The following RNF157 variants were observed in gnomAD, a reference collection of about 807,000 sequenced individuals.
RNF157 encodes ring finger protein 157, also known as E3 ubiquitin ligase RNF157.
Under a neutral mutation model 88.3 loss-of-function variants are expected in RNF157, and 55 were observed. The observed-to-expected ratio is 0.62, with a 90% CI of 0.50 to 0.78. The LOEUF is 0.78. Ranked by LOEUF, RNF157 falls within the 30% of genes least tolerant of loss-of-function variation. The pLI, the probability that RNF157 is intolerant of heterozygous loss-of-function variation, is 0.00. For missense variants in RNF157, 788 were observed against 860.8 expected, an observed-to-expected ratio of 0.92 and a Z score of 1.06; for synonymous variants, 334 against 341.2, an observed-to-expected ratio of 0.98 and a Z score of 0.23.
At chr17:76,225,605 T>C (rs1245921693) in intron 1 of RNF157, 11 of 611,152 alleles carry the variant, frequency 1.8e-5, no homozygotes, top group Non-Finnish European at 2.5e-5. Flanking sequence ...ACTGTAGGCA[T>C]CTATGTCTGT....
intron 2 of RNF157, among the ~76,000 whole-genome samples, chr17:76,208,714 G>A (rs1301740166): frequency 6.6e-6 from 1 of 152,150 alleles, no homozygotes; most frequent in Non-Finnish European, 1.5e-5. Context: ...GCTCACACCT[G>A]TAATCCCAGC....
intron 2 of RNF157, among the ~76,000 whole-genome samples, chr17:76,208,912 T>C (rs1369536703): frequency 6.6e-6 from 1 of 151,486 alleles, no homozygotes; most frequent in East Asian, 1.9e-4. Flanking sequence ...AGACTGTGGC[T>C]GCAGTAAGCC....
intron 1 of RNF157, among the ~76,000 whole-genome samples, chr17:76,234,161 CT>C (rs1281738420): frequency 6.6e-6 from 1 of 152,212 alleles, no homozygotes; most frequent in Non-Finnish European, 1.5e-5. Context: ...GCTTATTTCA[CT>C]GAGTATAACA....
chr17:76,202,376 C>T (rs147510530), intron 2 of RNF157, among the ~76,000 whole-genome samples: 81 of 152,316 alleles, frequency 5.3e-4, no homozygotes, highest in African/African-American at 1.9e-3. Context: ...TGCCTCAACT[C>T]ACACTGCTGC....
Position 76,143,734 on chromosome 17 carries a change from T to C in RNF157, c.*1501A>G, listed in dbSNP as rs1304328796. On this transcript the variant is annotated 3_prime_UTR_variant, in exon 19 of 19. Coordinates refer to ENST00000269391, the MANE Select transcript of RNF157 (RefSeq NM_052916.3). ...GGACCCCCTGGGCACCAGGCTCTTTTTGAGGCTGCCTTGGAAACAGCCTTG... is the reference window on the plus strand; with the variant it reads ...GGACCCCCTGGGCACCAGGCTCTTTCTGAGGCTGCCTTGGAAACAGCCTTG... The C allele has an allele frequency of 6.6e-6, 1 of 152,106 alleles. No homozygotes were observed. The highest frequency in any genetic ancestry group is 1.9e-4 in the East Asian group (1 of 5,194). 9.4% of individuals were successfully genotyped at this position (152,106 alleles called of 1,614,324 possible).
At position 76,240,394 on chromosome 17, in the gene RNF157, G is replaced by T. The variant is rs867069718; in HGVS notation, c.-154C>A. The T allele has an allele frequency of 1.8e-5, 3 of 168,110 alleles. No homozygotes were observed. The highest frequency in any genetic ancestry group is 7.3e-5 in the African/African-American group (3 of 41,152). The allele number at this position is 168,110 out of a possible 1,614,324, so 10.4% of individuals were successfully genotyped here. A position where few individuals can be genotyped will look rare whatever the true frequency, so the allele number is the denominator to read the frequency against. On this transcript the variant is annotated 5_prime_UTR_variant, in exon 1 of 19. Transcript: ENST00000269391. This position sits in a 1 kb window ranked among gnomAD's most constrained non-coding sequence, Gnocchi z 4.4. ...GCGGCTCTGGCGGCGGGGAGCCCCC[G>T]GCGCGCCGCGCACCATCCTCCGCCG...
At chr17:76,215,479 A>G (rs1447942158) in intron 1 of RNF157, among the ~76,000 whole-genome samples, 1 of 151,588 alleles carries the variant, frequency 6.6e-6, no homozygotes, top group Non-Finnish European at 1.5e-5. Flanking sequence ...TCTAAGAAAA[A>G]AAAAAGAAAG....
Position 76,155,677 on chromosome 17 carries a change from C to A in RNF157, c.1583G>T (p.Ser528Ile). Residue 528 changes from serine (S) to isoleucine (I), a missense_variant, in exon 15 of 19, where the codon AGC becomes ATC. By Grantham distance (142) the Ser-to-Ile change is moderately radical (BLOSUM62 -2). Transcript: ENST00000269391. The stretch of plus-strand genomic sequence containing the variant: ...AGACATGGAGGAGACGGTGTCAGTG[C>A]TGATCTGGGAGGATGCCATGGACAT... ...SVMSMASSQI[S>I]TDTVSSMSGS... 1.9e-6 allele frequency: 3 copies of A among 1,612,790 alleles called. No homozygotes were observed. Among genetic ancestry groups the A allele is most frequent in the Non-Finnish European group, 2.5e-6 (3 of 1,179,476 alleles).
intron 1 of RNF157, among the ~76,000 whole-genome samples, chr17:76,224,719 T>TAAA (rs35330664): frequency 6.8e-6 from 1 of 146,900 alleles, no homozygotes; most frequent in Admixed American, 6.8e-5. Context: ...TGATAAGCTT[T>TAAA]AAAAAAAAAA....
At chr17:76,192,172 C>G (rs908787468) in intron 2 of RNF157, among the ~76,000 whole-genome samples, 2 of 152,182 alleles carry the variant, frequency 1.3e-5, no homozygotes, top group Non-Finnish European at 2.9e-5. Context: ...TCCTACAACA[C>G]AGATGCTTTA....
intron 2 of RNF157, chr17:76,202,880 T>C (rs1441586616): frequency 6.6e-6 from 1 of 152,218 alleles, no homozygotes; most frequent in Non-Finnish European, 1.5e-5. Flanking sequence ...ATGTATTTTT[T>C]CTTAAAATAA....
intron 1 of RNF157, among the ~76,000 whole-genome samples, chr17:76,217,416 T>A (rs2069907397): frequency 6.6e-6 from 1 of 152,190 alleles, no homozygotes; most frequent in South Asian, 2.1e-4. Context: ...GCAGCTTGCT[T>A]TCATTTAGAC....
At chr17:76,193,689 C>A (rs1007975384) in intron 2 of RNF157, among the ~76,000 whole-genome samples, 1 of 152,116 alleles carries the variant, frequency 6.6e-6, no homozygotes, top group African/African-American at 2.4e-5. Context: ...CTGTTGTGAC[C>A]CTGACTGTCT....
chr17:76,205,249 T>C (rs1049605806), intron 2 of RNF157, among the ~76,000 whole-genome samples: 3 of 151,632 alleles, frequency 2.0e-5, no homozygotes, highest in Non-Finnish European at 2.9e-5. Context: ...AGTAATCCTC[T>C]AGCCTCAACC....
intron 2 of RNF157, among the ~76,000 whole-genome samples, chr17:76,208,569 C>A (rs951010503): frequency 1.3e-5 from 2 of 152,116 alleles, no homozygotes; most frequent in African/African-American, 4.8e-5. Flanking sequence ...TATCAAATAA[C>A]CTGTGGGGAA....
intron 18 of RNF157, among the ~76,000 whole-genome samples, chr17:76,150,179 C>G (rs2068653065): frequency 6.6e-6 from 1 of 152,056 alleles, no homozygotes; most frequent in Admixed American, 6.6e-5. Context: ...GAATACAGCC[C>G]CTCATCTTGA....
At chr17:76,148,827 C>G (rs1178944206) in intron 18 of RNF157, among the ~76,000 whole-genome samples, 2 of 152,162 alleles carry the variant, frequency 1.3e-5, no homozygotes, top group Non-Finnish European at 2.9e-5. Flanking sequence ...GCCTCAGCCT[C>G]TCAAAATGCT....
chr17:76,175,013 T>G (rs2069081178), intron 2 of RNF157, among the ~76,000 whole-genome samples: 1 of 152,204 alleles, frequency 6.6e-6, no homozygotes, highest in African/African-American at 2.4e-5. Context: ...AGTACAAAAC[T>G]ATCCCTAATT....
In RNF157 at chr17:76,152,449, T is replaced by C. The variant is rs1355822515; in HGVS notation, c.1827A>G (p.Ala609=). The change falls in exon 18 of 19, where the codon GCA becomes GCG. Residue 609 remains alanine, a synonymous_variant. Transcript: ENST00000269391. ...SPTQEGQRTC[A]FLGMECDNNN... is the part of the protein sequence containing the mutation. ...TATTGTCACACTCCATACCTAGAAA[T>C]GCGCACGTCCTCTGGCCTGTAACGG... 3 of 1,612,534 alleles carry C rather than the reference T, an allele frequency of 1.9e-6. No individual in the cohort carries two copies. In the African/African-American group the frequency reaches 4.0e-5, roughly 22 times the overall value.
Sources: gnomAD v4.1 joint callset for allele counts (sites outside exome capture counted in the v4.1 genomes callset) on GRCh38, gnomAD v4.1.1 for gene constraint, Gnocchi (gnomAD v3.1) non-coding constraint, MANE v1.5 for transcripts, NCBI Gene and HGNC (gene_info 2026-07-23, HGNC 2026-07-21) for gene names.